Variants in MATN2 observed in about 807,000 individuals in gnomAD.
The protein encoded by MATN2 is matrilin 2.
In MATN2, 69 loss-of-function variants were observed where a neutral mutation model predicts 103.2. The observed-to-expected ratio is 0.67, with a 90% CI of 0.55 to 0.82. The LOEUF (loss-of-function observed/expected upper bound fraction) is 0.82, where lower values mean the gene tolerates loss of function less well. Ranked by LOEUF, MATN2 falls within the 40% of genes least tolerant of loss-of-function variation. MATN2 has a pLI of 0.00. For synonymous variants in MATN2, 429 were observed against 450.2 expected (o/e 0.95, Z 0.60); for missense variants, 1,023 against 1,211.5 (o/e 0.84, Z 2.31).
chr8:97,951,464 G>C (rs1324320974), intron 4 of MATN2, among the ~76,000 whole-genome samples: 1 of 152,138 alleles, frequency 6.6e-6, no homozygotes, highest in Non-Finnish European at 1.5e-5. Context: ...AACAATATCA[G>C]CTTTGCCCGG....
rs760447086 is a variant in MATN2 at position 98,032,284 on chromosome 8, G to C, written c.2548G>C (p.Gly850Arg). The C allele has an allele frequency of 1.2e-6, 2 of 1,612,170 alleles. No homozygotes were observed. Among genetic ancestry groups the C allele is most frequent in the Non-Finnish European group, 1.7e-6 (2 of 1,179,080 alleles). The change falls in exon 16 of 19, where the codon GGG becomes CGG. Residue 850 changes from glycine (G) to arginine (R), a missense_variant. By Grantham distance (125) the Gly-to-Arg change is moderately radical. Coordinates refer to ENST00000254898, the MANE Select transcript of MATN2 (RefSeq NM_002380.5). ...DSDGRQDSPA[G>R]ELPKTVQQPT... ...CGATGGAAGACAGGACTCTCCAGCAGGGGAACTGCCAAAAACGGTCCAACA... is the reference window on the plus strand; with the variant it reads ...CGATGGAAGACAGGACTCTCCAGCACGGGAACTGCCAAAAACGGTCCAACA...
intron 10 of MATN2, among the ~76,000 whole-genome samples, chr8:98,015,391 T>G (rs1012910662): frequency 6.6e-6 from 1 of 152,178 alleles, no homozygotes; most frequent in Non-Finnish European, 1.5e-5. Context: ...ACCCCCACTG[T>G]GAACCCCACA....
intron 5 of MATN2, among the ~76,000 whole-genome samples, chr8:97,971,078 G>A (rs2130287184): frequency 6.6e-6 from 1 of 152,276 alleles, no homozygotes; most frequent in Non-Finnish European, 1.5e-5. Context: ...GGTTGGTTAG[G>A]CAGTCATAAA....
chr8:97,936,287 G>A (rs956267170), intron 3 of MATN2, among the ~76,000 whole-genome samples: 1 of 152,112 alleles, frequency 6.6e-6, no homozygotes, highest in African/African-American at 2.4e-5. Flanking sequence ...TAACCTCTAG[G>A]TGCTGACTTT....
intron 10 of MATN2, among the ~76,000 whole-genome samples, chr8:98,010,475 T>TG (rs923088060): frequency 4.6e-5 from 7 of 152,212 alleles, no homozygotes; most frequent in Non-Finnish European, 7.3e-5. Flanking sequence ...AAACTGAGAA[T>TG]GGTCGTTGCT....
intron 7 of MATN2, among the ~76,000 whole-genome samples, chr8:97,998,679 T>TC (rs1437663217): frequency 6.6e-6 from 1 of 150,898 alleles, no homozygotes; most frequent in Non-Finnish European, 1.5e-5. Context: ...AAATTTTTTT[T>TC]TATATTTTTA....
At chr8:97,988,685 G>A (rs1028809935) in intron 6 of MATN2, among the ~76,000 whole-genome samples, 6 of 152,008 alleles carry the variant, frequency 3.9e-5, no homozygotes, top group African/African-American at 1.5e-4. Flanking sequence ...TAAAAGAAAT[G>A]GAATTTGCAC....
intron 4 of MATN2, among the ~76,000 whole-genome samples, chr8:97,956,035 G>A (rs1461592358): frequency 6.6e-6 from 1 of 152,226 alleles, no homozygotes; most frequent in African/African-American, 2.4e-5. Context: ...GAGAATTCAA[G>A]GGCAAGCAGA....
rs1278348410 is a variant in MATN2 at position 97,982,877 on chromosome 8, C to T, written c.1081+3869C>T. ...TACTCATTCAGTGGCATTAAATACA[C>T]TCACATTGTGAAAAACGCATATCCT... On this transcript the variant is annotated intron_variant, in intron 6 of 18. Transcript: ENST00000254898. This position sits in a 1 kb window ranked among gnomAD's most constrained non-coding sequence, Gnocchi z 4.3. 6.6e-6 allele frequency among the ~76,000 whole-genome samples: 1 copy of T among 152,208 alleles called. No individual in the cohort carries two copies. Among genetic ancestry groups the T allele is most frequent in the Non-Finnish European group, 1.5e-5 (1 of 68,036 alleles).
chr8:97,932,394 G>A (rs950653049), intron 3 of MATN2, among the ~76,000 whole-genome samples: 1 of 152,114 alleles, frequency 6.6e-6, no homozygotes, highest in African/African-American at 2.4e-5. Flanking sequence ...GAGGACCAAG[G>A]TGTGGTCCTG....
intron 2 of MATN2, among the ~76,000 whole-genome samples, chr8:97,928,419 C>T (rs1030991826): frequency 8.6e-5 from 13 of 151,936 alleles, no homozygotes; most frequent in African/African-American, 3.1e-4. Context: ...GTAGATTTGG[C>T]GCTTCACCAT....
At chr8:97,994,192 GGGGAAGA>G (rs1488966135) in intron 6 of MATN2, among the ~76,000 whole-genome samples, 1 of 137,994 alleles carries the variant, frequency 7.2e-6, no homozygotes, top group African/African-American at 2.6e-5. Flanking sequence ...AGGAGGGAGG[GGGGAAGA>G]GGGAAGAGGG....
At chr8:97,889,447 C>G (rs1818551783) in intron 2 of MATN2, among the ~76,000 whole-genome samples, 1 of 80,018 alleles carries the variant, frequency 1.2e-5, no homozygotes, top group South Asian at 5.5e-4. Context: ...ATCTCTCTCT[C>G]TCTCTCTCTG....
At chr8:97,872,825 C>T (rs187523779) in intron 1 of MATN2, among the ~76,000 whole-genome samples, 4 of 151,518 alleles carry the variant, frequency 2.6e-5, no homozygotes, top group Admixed American at 1.3e-4. Context: ...GACAGAGTCT[C>T]GTTCTATCGC....
At chr8:97,916,424 G>T (rs1004125483) in intron 2 of MATN2, among the ~76,000 whole-genome samples, 10 of 152,114 alleles carry the variant, frequency 6.6e-5, no homozygotes, top group Admixed American at 6.5e-4. Context: ...ACATGTGCAG[G>T]TTTGTTATGT....
chr8:97,931,292 T>C lies in MATN2; in HGVS notation c.482T>C (p.Val161Ala). The C allele has an allele frequency of 6.2e-7, 1 of 1,613,948 alleles. No homozygotes were observed. The highest frequency in any genetic ancestry group is 8.5e-7 in the Non-Finnish European group (1 of 1,179,868). The change falls in exon 3 of 19, where the codon GTG becomes GCG. Residue 161 changes from valine to alanine, a missense_variant. Coordinates refer to ENST00000254898, the MANE Select transcript of MATN2 (RefSeq NM_002380.5). The surrounding 1 kb of genome is among the most constrained non-coding windows in gnomAD (Gnocchi z 4.1). ...GGGGCCCGGCCCCTGAGGGAGAATG[T>C]GCCACGGGTCATAATGATCGTGACA... ...AEGARPLREN[V>A]PRVIMIVTDG...
chr8:97,893,886 A>G (rs1462019003), intron 2 of MATN2, among the ~76,000 whole-genome samples: 1 of 152,076 alleles, frequency 6.6e-6, no homozygotes, highest in African/African-American at 2.4e-5. Context: ...ACTACTCTAC[A>G]GTCAGCCAGC....
intron 13 of MATN2, among the ~76,000 whole-genome samples, chr8:98,027,180 G>A (rs774929640): frequency 7.2e-5 from 11 of 151,852 alleles, no homozygotes; most frequent in Non-Finnish European, 1.0e-4. Flanking sequence ...TATATCTGCC[G>A]TTTTGCTTGT....
At chr8:97,950,441 G>A (rs1423737609) in intron 4 of MATN2, among the ~76,000 whole-genome samples, 1 of 121,120 alleles carries the variant, frequency 8.3e-6, no homozygotes, top group Non-Finnish European at 1.8e-5. Flanking sequence ...TGTATTAGAG[G>A]TAGAGAGTGG....
Sources: allele counts gnomAD v4.1 joint callset (sites outside exome capture counted in the v4.1 genomes callset), GRCh38; gene constraint gnomAD v4.1.1; non-coding constraint Gnocchi (gnomAD v3.1); transcripts MANE v1.5; gene names NCBI Gene and HGNC (gene_info 2026-07-23, HGNC 2026-07-21).